CNTNAP5: variants seen among roughly 807,000 people sequenced by gnomAD.
The protein encoded by CNTNAP5 is contactin-associated protein-like 5.
A neutral mutation model predicts 150.2 loss-of-function variants in CNTNAP5; 72 were observed. That is an observed-to-expected ratio of 0.48 (90% CI 0.40 to 0.58). The LOEUF (loss-of-function observed/expected upper bound fraction) is 0.58. Among genes scored for constraint, CNTNAP5 ranks in the 20% least tolerant of loss-of-function variants. The pLI is 0.00. For missense variants in CNTNAP5, 1,636 were observed against 1,626.2 expected, an observed-to-expected ratio of 1.01 and a Z score of -0.10; for synonymous variants, 672 against 619.8, an observed-to-expected ratio of 1.08 and a Z score of -1.25.
chr2:124,541,133 C>T (rs1695371023), intron 10 of CNTNAP5, among the ~76,000 whole-genome samples: 1 of 145,738 alleles, frequency 6.9e-6, no homozygotes, highest in South Asian at 2.2e-4. Context: ...CTGCTGAAAT[C>T]CCTGTTTGGT....
chr2:124,427,255 T>C (rs1692259781), intron 4 of CNTNAP5, among the ~76,000 whole-genome samples: 1 of 151,958 alleles, frequency 6.6e-6, no homozygotes, highest in Non-Finnish European at 1.5e-5. Flanking sequence ...CACAATAAAA[T>C]TGGGTAACGG....
At chr2:124,636,054 A>G (rs1249835187) in intron 12 of CNTNAP5, among the ~76,000 whole-genome samples, 2 of 152,124 alleles carry the variant, frequency 1.3e-5, no homozygotes, top group Non-Finnish European at 2.9e-5. Flanking sequence ...GTATGCTGTC[A>G]TTTTGTTCTC....
chr2:124,755,687 A>G (rs2105155416), intron 14 of CNTNAP5, among the ~76,000 whole-genome samples: 1 of 152,308 alleles, frequency 6.6e-6, no homozygotes, highest in East Asian at 1.9e-4. Context: ...TTAAAAGTGT[A>G]GTGCCTTCAT....
intron 1 of CNTNAP5, among the ~76,000 whole-genome samples, chr2:124,113,107 T>A (rs911163214): frequency 3.3e-5 from 5 of 152,270 alleles, no homozygotes; most frequent in South Asian, 2.1e-4. Context: ...AAAATTTAAA[T>A]GTGTATACCC....
intron 1 of CNTNAP5, among the ~76,000 whole-genome samples, chr2:124,145,811 T>TAAAAAAAAAAAAAAA (rs761766577): frequency 7.8e-5 from 1 of 12,788 alleles, no homozygotes; most frequent in Non-Finnish European, 1.4e-4. Context: ...AAAAAAAACA[T>TAAAAAAAAAAAAAAA]TAAAAAAAAA....
intron 3 of CNTNAP5, among the ~76,000 whole-genome samples, chr2:124,262,704 G>T (rs1478870875): frequency 2.6e-5 from 4 of 151,516 alleles, no homozygotes; most frequent in African/African-American, 7.3e-5. Context: ...CAACATGCAG[G>T]TTTGTTACAT....
At position 124,202,648 on chromosome 2, in the gene CNTNAP5, G is replaced by A. The variant is rs192132179; in HGVS notation, c.83-19057G>A. Among the ~76,000 whole-genome samples the A allele has an allele frequency of 4.6e-5, 7 of 152,326 alleles. No homozygotes were observed. In the East Asian group the frequency reaches 1.4e-3, roughly 29 times the overall value. ...ACTCACAGTTACACATGGCTGGGAA[G>A]CCATCACGATCATGGCAAAATGCAA... On this transcript the variant is annotated intron_variant, in intron 1 of 23. Transcript: ENST00000682447.
At chr2:124,569,782 C>T (rs1295427349) in intron 11 of CNTNAP5, among the ~76,000 whole-genome samples, 1 of 152,154 alleles carries the variant, frequency 6.6e-6, no homozygotes. Flanking sequence ...AGTGCTTCTT[C>T]TATGGAGAAG....
At chr2:124,630,634 A>G (rs1384653261) in intron 12 of CNTNAP5, among the ~76,000 whole-genome samples, 3 of 152,152 alleles carry the variant, frequency 2.0e-5, no homozygotes, top group Non-Finnish European at 4.4e-5. Flanking sequence ...ATGGACAAAA[A>G]CTGGAAGCAT....
At chr2:124,399,359 G>A (rs1275604774) in intron 3 of CNTNAP5, among the ~76,000 whole-genome samples, 2 of 152,078 alleles carry the variant, frequency 1.3e-5, no homozygotes, top group African/African-American at 4.8e-5. Flanking sequence ...TAAAATGAAT[G>A]ATTAAAAAAG....
At chr2:124,200,197 A>G (rs1045777816) in intron 1 of CNTNAP5, among the ~76,000 whole-genome samples, 2 of 152,234 alleles carry the variant, frequency 1.3e-5, no homozygotes, top group Admixed American at 1.3e-4. Flanking sequence ...CTTTACATCT[A>G]TTGAACTAAT....
In CNTNAP5 at chr2:124,798,276, ATTC is replaced by A. The variant is rs1558780159; in HGVS notation, c.3181_3183del (p.Ser1061del). The A allele has an allele frequency of 1.9e-6, 3 of 1,613,822 alleles. No homozygotes were observed. Among genetic ancestry groups the A allele is most frequent in the Non-Finnish European group, 1.7e-6 (2 of 1,179,804 alleles). On this transcript the variant is annotated inframe_deletion, in exon 19 of 24. Coordinates refer to ENST00000682447, the MANE Select transcript of CNTNAP5 (RefSeq NM_001367498.1). Reference sequence around the variant, plus strand: ...GCACCCAGTCTTTTGCTCTTTATCAATTCTTCTTCTCAGGACTTCGTGGTTGTT... The same window carrying A: ...GCACCCAGTCTTTTGCTCTTTATCAATTCTTCTCAGGACTTCGTGGTTGTT...
chr2:124,576,946 A>T (rs1382848238), intron 11 of CNTNAP5, among the ~76,000 whole-genome samples: 3 of 152,160 alleles, frequency 2.0e-5, no homozygotes, highest in Non-Finnish European at 4.4e-5. Flanking sequence ...GACTAGTAGC[A>T]AGTTCTGATT....
intron 17 of CNTNAP5, among the ~76,000 whole-genome samples, chr2:124,786,580 G>GA (rs1681603035): frequency 6.6e-6 from 1 of 150,726 alleles, no homozygotes; most frequent in South Asian, 2.1e-4. Flanking sequence ...GAGAAAGAAA[G>GA]AAAAAAGAAA....
intron 19 of CNTNAP5, among the ~76,000 whole-genome samples, chr2:124,841,250 A>G (rs570055945): frequency 6.6e-6 from 1 of 152,244 alleles, no homozygotes; most frequent in Middle Eastern, 3.4e-3. Flanking sequence ...GTCATAGCTC[A>G]AAAGAAGTAA....
intron 13 of CNTNAP5, among the ~76,000 whole-genome samples, chr2:124,671,352 A>G (rs1028155279): frequency 6.6e-6 from 1 of 152,160 alleles, no homozygotes; most frequent in Non-Finnish European, 1.5e-5. Context: ...GCAATTCTAC[A>G]TTTTTGCTCC....
intron 3 of CNTNAP5, among the ~76,000 whole-genome samples, chr2:124,408,121 C>T (rs1430819693): frequency 3.9e-5 from 6 of 152,294 alleles, no homozygotes; most frequent in South Asian, 4.1e-4. Flanking sequence ...AAAGGGGTGA[C>T]GGAAGGCACC....
intron 19 of CNTNAP5, among the ~76,000 whole-genome samples, chr2:124,860,464 C>CTTCCTTCT (rs1677495286): frequency 1.7e-5 from 1 of 57,292 alleles, no homozygotes; most frequent in African/African-American, 8.1e-5. Context: ...TCCTTCCTTC[C>CTTCCTTCT]TTCCTTCCTT....
At chr2:124,747,852 T>C (rs984651130) in intron 14 of CNTNAP5, among the ~76,000 whole-genome samples, 1 of 139,624 alleles carries the variant, frequency 7.2e-6, no homozygotes, top group Non-Finnish European at 1.5e-5. Flanking sequence ...TTGGCCAGGA[T>C]GGTCTTGATA....
Sources: gnomAD v4.1 joint callset for allele counts (sites outside exome capture counted in the v4.1 genomes callset) on GRCh38, gnomAD v4.1.1 for gene constraint, MANE v1.5 for transcripts, NCBI Gene and HGNC (gene_info 2026-07-23, HGNC 2026-07-21) for gene names.